The following TTC6 variants were observed in gnomAD, a reference collection of about 807,000 sequenced individuals.
TTC6 encodes the protein tetratricopeptide repeat protein 6.
TTC6 carries 172 observed loss-of-function variants against 210.4 expected under a neutral mutation model. That is an observed-to-expected ratio of 0.82 (90% CI 0.72 to 0.93). The LOEUF (loss-of-function observed/expected upper bound fraction) is 0.93, where lower values mean the gene tolerates loss of function less well. Among genes scored for constraint, TTC6 ranks in the 40% least tolerant of loss-of-function variants. The pLI, the probability that TTC6 is intolerant of heterozygous loss-of-function variation, is 0.00. For missense variants in TTC6, 2,414 were observed against 2,318.1 expected, an observed-to-expected ratio of 1.04 and a Z score of -0.85; for synonymous variants, 804 against 819.6, an observed-to-expected ratio of 0.98 and a Z score of 0.32.
intron 14 of TTC6, among the ~76,000 whole-genome samples, chr14:37,782,252 T>A (rs1595254635): frequency 6.6e-6 from 1 of 152,194 alleles, no homozygotes; most frequent in African/African-American, 2.4e-5. Context: ...ATTCTTCCTA[T>A]CCATGAGCAT....
intron 29 of TTC6, among the ~76,000 whole-genome samples, chr14:37,830,255 T>A (rs1038706527): frequency 6.6e-6 from 1 of 152,118 alleles, no homozygotes; most frequent in African/African-American, 2.4e-5. Context: ...AACTTGCTCT[T>A]TTTTGTCAAG....
chr14:37,685,123 C>T (rs1352159555), intron 3 of TTC6, among the ~76,000 whole-genome samples: 1 of 152,058 alleles, frequency 6.6e-6, no homozygotes, highest in Non-Finnish European at 1.5e-5. Context: ...ATAACTGACA[C>T]AAAGCCAATA....
intron 28 of TTC6, 92 bp from the exon 31 acceptor site, chr14:37,827,104 C>T: frequency 9.6e-7 from 1 of 1,036,666 alleles, no homozygotes; most frequent in Admixed American, 3.1e-5. Context: ...TCATTTCCCA[C>T]AAGTAGATTC....
intron 5 of TTC6, among the ~76,000 whole-genome samples, chr14:37,712,801 T>G (rs934347450): frequency 6.6e-6 from 1 of 152,088 alleles, no homozygotes; most frequent in Non-Finnish European, 1.5e-5. Flanking sequence ...ACATGGGCAT[T>G]ATGGGAACTA....
chr14:37,629,150 G>T (rs1258985962), intron 1 of TTC6, among the ~76,000 whole-genome samples: 3 of 152,106 alleles, frequency 2.0e-5, no homozygotes, highest in African/African-American at 4.8e-5. Flanking sequence ...AAGAAAGTCA[G>T]TGGTAGCTTG....
chr14:37,732,658 G>T (rs1286053053), intron 7 of TTC6, among the ~76,000 whole-genome samples: 1 of 150,284 alleles, frequency 6.7e-6, no homozygotes, highest in Non-Finnish European at 1.5e-5. Flanking sequence ...TTGCTCTGTC[G>T]CCCAGGCTAG....
At chr14:37,800,297 T>G (rs1209325786) in intron 20 of TTC6, among the ~76,000 whole-genome samples, 2 of 152,170 alleles carry the variant, frequency 1.3e-5, no homozygotes, top group Non-Finnish European at 2.9e-5. Flanking sequence ...AAAGAAGAAC[T>G]AATAATTCAG....
downstream of TTC6, chr14:37,842,697 C>CG (rs2096212748): frequency 3.0e-4 from 28 of 92,886 alleles, no homozygotes; most frequent in Admixed American, 3.1e-3. Flanking sequence ...AAAAATAAAC[C>CG]GATGACTATA....
chr14:37,795,973 C>A (rs1438236012), intron 18 of TTC6, among the ~76,000 whole-genome samples: 1 of 152,052 alleles, frequency 6.6e-6, no homozygotes, highest in South Asian at 2.1e-4. Context: ...TATGTAGATA[C>A]CTCCTTCCTT....
At chr14:37,728,529 G>C (rs1447452202) in intron 7 of TTC6, among the ~76,000 whole-genome samples, 1 of 152,080 alleles carries the variant, frequency 6.6e-6, no homozygotes, top group Non-Finnish European at 1.5e-5. Context: ...ATTTGAAATG[G>C]TCCAGTTTGG....
At chr14:37,606,363 G>T (rs140781785) in intron 1 of TTC6, among the ~76,000 whole-genome samples, 4 of 152,258 alleles carry the variant, frequency 2.6e-5, no homozygotes, top group African/African-American at 7.2e-5. Context: ...TTTGACCAAT[G>T]GAGGACAATG....
chr14:37,811,022 A>G (rs1478969636), intron 24 of TTC6, among the ~76,000 whole-genome samples: 2 of 152,202 alleles, frequency 1.3e-5, no homozygotes, highest in African/African-American at 2.4e-5. Flanking sequence ...CTCCAAATCA[A>G]GGGGCTAGTA....
At chr14:37,797,619 A>G (rs1194819359) in intron 20 of TTC6, among the ~76,000 whole-genome samples, 1 of 151,910 alleles carries the variant, frequency 6.6e-6, no homozygotes, top group East Asian at 1.9e-4. Flanking sequence ...TCTGATGAAC[A>G]AAACTTCTAA....
At chr14:37,604,378 A>C (rs2139225798) in intron 1 of TTC6, among the ~76,000 whole-genome samples, 1 of 152,272 alleles carries the variant, frequency 6.6e-6, no homozygotes, top group East Asian at 1.9e-4. Context: ...AGGGGAGAGG[A>C]GATGAGAGGT....
At position 37,827,191 on chromosome 14, in the gene TTC6, T is replaced by G. The variant is rs758895815; in HGVS notation, c.5128-5T>G. The G allele has an allele frequency of 7.5e-6, 12 of 1,608,834 alleles. No homozygotes were observed. Among genetic ancestry groups the G allele is most frequent in the Middle Eastern group, 1.7e-4 (1 of 6,034 alleles). ...ATGTTAAATAATCATAATATTATAC[T>G]GCAGATCAGTACTACAGCAGAATTC... On this transcript the variant is annotated splice_polypyrimidine_tract_variant and splice_region_variant and intron_variant, in intron 28 of 30. Coordinates refer to ENST00000553443, the Ensembl canonical transcript of TTC6.
At chr14:37,739,098 A>G in exon 10 of TTC6, 1 of 1,529,028 alleles carries the variant, frequency 6.5e-7, no homozygotes. Flanking sequence ...AGATTGAAAC[A>G]ACAAAAACTT....
chr14:37,762,262 A>G lies in TTC6; in HGVS notation c.3266+9027A>G, dbSNP rs547567011. Among the ~76,000 whole-genome samples the G allele has an allele frequency of 5.0e-4, 76 of 152,178 alleles. 1 individual carries two copies. The South Asian group carries it at 5.4e-3, about 11-fold the overall frequency. On this transcript the variant is annotated intron_variant, in intron 14 of 30. Transcript: ENST00000553443. ...CTTAGCTTGATTTCTTATCTTGGCT[A>G]TTGTAAATAATGCTCTAAGAAATGT...
intron 29 of TTC6, among the ~76,000 whole-genome samples, chr14:37,839,348 T>A (rs2096204934): frequency 6.6e-6 from 1 of 152,220 alleles, no homozygotes; most frequent in African/African-American, 2.4e-5. Flanking sequence ...CTAACTGACA[T>A]GAGATGGTAT....
intron 1 of TTC6, among the ~76,000 whole-genome samples, chr14:37,604,036 T>G (rs1283386881): frequency 6.6e-6 from 1 of 152,210 alleles, no homozygotes; most frequent in Non-Finnish European, 1.5e-5. Flanking sequence ...TGCTGGATGC[T>G]GGGACATGTA....
Sources: gnomAD v4.1 joint callset for allele counts (sites outside exome capture counted in the v4.1 genomes callset) on GRCh38, gnomAD v4.1.1 for gene constraint, MANE v1.5 for transcripts, NCBI Gene and HGNC (gene_info 2026-07-23, HGNC 2026-07-21) for gene names.